Variants in KCNU1 observed in about 807,000 individuals in gnomAD.
KCNU1 encodes the protein potassium channel subfamily U member 1.
A neutral mutation model predicts 126.8 loss-of-function variants in KCNU1; 93 were observed. That is an observed-to-expected ratio of 0.73 (90% CI 0.62 to 0.87). The LOEUF (loss-of-function observed/expected upper bound fraction) is 0.87. KCNU1 is among the 40% of genes least tolerant of loss of function. The probability of loss-of-function intolerance (pLI) is 0.00; values close to 1 mark genes in which losing one functional copy is unlikely to be tolerated. For missense variants in KCNU1, 1,330 were observed against 1,367.1 expected (o/e 0.97, Z 0.43); for synonymous variants, 523 against 494.2 (o/e 1.06, Z -0.77).
At chr8:36,897,148 A>G (rs1021874157) in intron 19 of KCNU1, among the ~76,000 whole-genome samples, 2 of 151,984 alleles carry the variant, frequency 1.3e-5, no homozygotes, top group African/African-American at 4.8e-5. Context: ...TTGATTATAC[A>G]TAAGACAGAA....
chr8:36,850,625 T>G (rs1247990420), intron 18 of KCNU1, among the ~76,000 whole-genome samples: 8 of 152,100 alleles, frequency 5.3e-5, no homozygotes, highest in Non-Finnish European at 1.0e-4. Flanking sequence ...CCCAGCTAAT[T>G]CCTGCATTTT....
intron 24 of KCNU1, among the ~76,000 whole-genome samples, chr8:36,930,485 A>T (rs1276312616): frequency 2.6e-5 from 4 of 152,184 alleles, no homozygotes; most frequent in Non-Finnish European, 5.9e-5. Context: ...AAACAAAAGG[A>T]TTATAAGTAA....
intron 19 of KCNU1, among the ~76,000 whole-genome samples, chr8:36,901,149 A>G (rs994788034): frequency 2.0e-5 from 3 of 151,992 alleles, no homozygotes; most frequent in African/African-American, 7.2e-5. Context: ...ATTTTTTGGC[A>G]GATCACCTTC....
At chr8:36,875,249 G>A (rs995250703) in intron 19 of KCNU1, among the ~76,000 whole-genome samples, 1 of 151,184 alleles carries the variant, frequency 6.6e-6, no homozygotes, top group Non-Finnish European at 1.5e-5. Flanking sequence ...GAAAGATTTT[G>A]GTGTTGATAC....
chr8:36,898,149 AC>A (rs1288319195), intron 19 of KCNU1, among the ~76,000 whole-genome samples: 1 of 152,142 alleles, frequency 6.6e-6, no homozygotes, highest in Non-Finnish European at 1.5e-5. Context: ...ACATTCAGCC[AC>A]AGGGATTTCA....
intron 16 of KCNU1, among the ~76,000 whole-genome samples, chr8:36,844,262 C>T (rs1220944279): frequency 6.6e-6 from 1 of 152,010 alleles, no homozygotes; most frequent in Non-Finnish European, 1.5e-5. Context: ...CACCTGCAAT[C>T]CCAGCTACTC....
rs939251744 is a variant in KCNU1, at chr8:36,898,235, C to T, written c.2010-7473C>T. ...TCTAGAGAAAAGACATTAAAATATT[C>T]ATATACCCTGCAATTATTTTAATTT... On this transcript the variant is annotated intron_variant, in intron 19 of 26. Transcript: ENST00000399881. Among the ~76,000 whole-genome samples, 3 of 152,062 alleles carry T rather than the reference C, an allele frequency of 2.0e-5. No individual in the cohort carries two copies. In the East Asian group the frequency reaches 5.8e-4, roughly 29 times the overall value.
chr8:36,841,122 G>T, intron 16 of KCNU1, 119 bp downstream of exon 16: 2 of 700,074 alleles, frequency 2.9e-6, no homozygotes, highest in Non-Finnish European at 2.4e-6. Context: ...TTTTCCCTTT[G>T]GTGGATTGGC....
intron 22 of KCNU1, 114 bp downstream of exon 22, chr8:36,911,233 T>C (rs1316365436): frequency 5.2e-6 from 4 of 765,574 alleles, no homozygotes; most frequent in Non-Finnish European, 8.0e-6. Context: ...CCAGATGTCC[T>C]CTGAGGTCCC....
At chr8:36,918,162 A>G (rs1021497595) in intron 22 of KCNU1, among the ~76,000 whole-genome samples, 1 of 152,192 alleles carries the variant, frequency 6.6e-6, no homozygotes, top group East Asian at 1.9e-4. Flanking sequence ...CTCAGTGGAG[A>G]GTAAGCATAT....
intron 18 of KCNU1, among the ~76,000 whole-genome samples, chr8:36,850,343 C>T (rs1485475079): frequency 1.3e-5 from 2 of 152,030 alleles, no homozygotes; most frequent in Admixed American, 6.6e-5. Flanking sequence ...TATTTTGTCA[C>T]TTGTGCTTTT....
rs764626708 is a variant in KCNU1 at position 36,911,191 on chromosome 8, A to T, written c.2521+72A>T. The T allele has an allele frequency of 5.9e-5, 74 of 1,249,892 alleles. No individual in the cohort carries two copies. The African/African-American group carries it at 8.3e-4, about 14-fold the overall frequency. 77.4% of individuals were successfully genotyped at this position (1,249,892 alleles called of 1,614,324 possible). Reference sequence around the variant, plus strand: ...AAAGAGATAATTAACTCCTCTTTGAAGTATTTTAATTATGGGGAGCAGGAG... The same window carrying T: ...AAAGAGATAATTAACTCCTCTTTGATGTATTTTAATTATGGGGAGCAGGAG... On this transcript the variant is annotated intron_variant, in intron 22 of 26. Coordinates refer to ENST00000399881, the MANE Select transcript of KCNU1 (RefSeq NM_001031836.3).
chr8:36,810,159 G>C (rs911486580), intron 7 of KCNU1, among the ~76,000 whole-genome samples: 20 of 152,054 alleles, frequency 1.3e-4, no homozygotes, highest in Non-Finnish European at 1.5e-5. Context: ...GGCTGAGGCA[G>C]GAGAATTGCT....
intron 26 of KCNU1, among the ~76,000 whole-genome samples, chr8:36,934,575 T>C (rs1310406955): frequency 6.6e-6 from 1 of 152,144 alleles, no homozygotes; most frequent in African/African-American, 2.4e-5. Flanking sequence ...AAAATTGATA[T>C]TTTTGTTTTA....
Position 36,861,753 on chromosome 8 carries a change from T to C in KCNU1, c.1892-2651T>C, listed in dbSNP as rs544153414. 8.5e-5 allele frequency among the ~76,000 whole-genome samples: 13 copies of C among 152,332 alleles called. No homozygotes were observed. The South Asian group carries it at 2.3e-3, about 27-fold the overall frequency. On this transcript the variant is annotated intron_variant, in intron 18 of 26. Transcript: ENST00000399881. ...TTATTTTCACTCATTTGAACAATGA[T>C]AAAACTTCTTGAGGGAGATATAAAT...
intron 19 of KCNU1, among the ~76,000 whole-genome samples, chr8:36,873,135 G>C (rs924452467): frequency 1.3e-5 from 2 of 152,068 alleles, no homozygotes; most frequent in Non-Finnish European, 2.9e-5. Context: ...TACATCCTGT[G>C]GGGGTGGCAA....
At chr8:36,869,394 C>CAT (rs1325523114) in intron 19 of KCNU1, among the ~76,000 whole-genome samples, 3 of 152,224 alleles carry the variant, frequency 2.0e-5, no homozygotes, top group African/African-American at 7.2e-5. Flanking sequence ...AATACTTTTC[C>CAT]ATATAACATC....
chr8:36,858,754 G>T (rs1044360091), intron 18 of KCNU1, among the ~76,000 whole-genome samples: 1 of 152,058 alleles, frequency 6.6e-6, no homozygotes, highest in African/African-American at 2.4e-5. Context: ...TAAAAAGGAG[G>T]ATTCTGCCTT....
chr8:36,840,526 C>A lies in KCNU1; in HGVS notation c.1582C>A (p.Gln528Lys), dbSNP rs762355369. ...TAGCATGAAAAACAAAATTCTGACC[C>A]AACGTCTCTCTGATGACTTTGCTGG... ...LNSMKNKILT[Q>K]RLSDDFAGMS... Residue 528 changes from glutamine to lysine, a missense_variant, in exon 15 of 27, where the codon CAA (glutamine) becomes AAA (lysine). Around this residue, in one of 3 missense-constraint regions of KCNU1, gnomAD observed 1,054 missense variants for 1,053.9 expected, o/e 1.00. Transcript: ENST00000399881. 6.2e-7 allele frequency: 1 copy of A among 1,613,016 alleles called. No individual in the cohort carries two copies. The highest frequency in any genetic ancestry group is 1.1e-5 in the South Asian group (1 of 90,926).
Sources: gnomAD v4.1 joint callset for allele counts (sites outside exome capture counted in the v4.1 genomes callset) on GRCh38, gnomAD v4.1.1 for gene constraint, gnomAD v4.1.1 regional missense constraint, MANE v1.5 for transcripts, NCBI Gene and HGNC (gene_info 2026-07-23, HGNC 2026-07-21) for gene names.